The following TMEM250 variants were observed in gnomAD, a reference collection of about 807,000 sequenced individuals.
TMEM250 encodes herpes virus UL25-binding protein.
Under a neutral mutation model 7.0 loss-of-function variants are expected in TMEM250, and 7 were observed. The ratio of observed to expected loss-of-function variants is 1.00; its 90% confidence interval spans 0.57 to 1.87. The LOEUF is 1.87. TMEM250 is among the 40% of genes most tolerant of loss of function. The pLI, the probability that TMEM250 is intolerant of heterozygous loss-of-function variation, is 0.00. For missense variants in TMEM250, 196 were observed against 202.5 expected (o/e 0.97, Z 0.19); for synonymous variants, 135 against 96.7 (o/e 1.40, Z -2.32).
At chr9:136,117,952 G>A (rs529265658) in intron 1 of TMEM250, 2 of 152,432 alleles carry the variant, frequency 1.3e-5, no homozygotes, top group Admixed American at 1.3e-4. Context: ...ACAGGGGACT[G>A]TTGCCAAGAG....
rs934309124 is a variant in TMEM250, at chr9:136,116,017, C to T, written c.*464G>A. 5.1e-5 allele frequency: 21 copies of T among 408,952 alleles called. No homozygotes were observed. The East Asian group carries it at 7.1e-4, about 14-fold the overall frequency. 25.3% of individuals were successfully genotyped at this position (408,952 alleles called of 1,614,324 possible). A position where few individuals can be genotyped will look rare whatever the true frequency, so the allele number is the denominator to read the frequency against. On this transcript the variant is annotated 3_prime_UTR_variant, in exon 2 of 2. Coordinates refer to ENST00000418388, the MANE Select transcript of TMEM250 (RefSeq NM_152833.3). The stretch of plus-strand genomic sequence containing the variant: ...TGGTGTGTCAGCGAGGGGAGCCTTC[C>T]GTGTCCCGTTGGCTGGGGCTGGGGC...
At position 136,116,234 on chromosome 9, in the gene TMEM250, C is replaced by T; in HGVS notation, c.*247G>A. ...GCAGTACGACCCGAAGACATGTGAG[C>T]AGGAGCCACCGGCAGGTGGGCGCTG... On this transcript the variant is annotated 3_prime_UTR_variant, in exon 2 of 2. Coordinates refer to ENST00000418388, the MANE Select transcript of TMEM250 (RefSeq NM_152833.3). The T allele has an allele frequency of 2.9e-6, 2 of 693,566 alleles. No individual in the cohort carries two copies. Among genetic ancestry groups the T allele is most frequent in the African/African-American group, 1.8e-5 (1 of 55,782 alleles). The allele number at this position is 693,566 out of a possible 1,614,324, so 43.0% of individuals were successfully genotyped here.
At position 136,116,708 on chromosome 9, in the gene TMEM250, A is replaced by G. The variant is rs1474772127; in HGVS notation, c.193T>C (p.Phe65Leu). The change falls in exon 2 of 2, where the codon TTC (phenylalanine) becomes CTC (leucine). Residue 65 changes from phenylalanine (F) to leucine (L), a missense_variant. Phe to Leu is a conservative substitution (Grantham distance 22). Transcript: ENST00000418388. ...AGCGCACCCCAGAGCGCCGCAGTGA[A>G]CAGGCTGCAGCTAAAGTAGAGTAGG... is the stretch of plus-strand genomic sequence containing the variant. Reference protein sequence around the residue: ...RFLLYFSCSLFTAALWGALAA... With the variant: ...RFLLYFSCSLLTAALWGALAA... 6.2e-7 allele frequency: 1 copy of G among 1,612,338 alleles called. No individual in the cohort carries two copies. The highest frequency in any genetic ancestry group is 1.3e-5 in the African/African-American group (1 of 74,932).
Position 136,116,605 on chromosome 9 carries a change from A to T in TMEM250, c.296T>A (p.Leu99Gln). ...RFQRKLSVLL[L>Q]LLGRRRVDFR... ...GTCCACGCGCCGGCGGCCCAGCAGCAGCAGCAGCACCGACAGCTTGCGCTG... is the reference window on the plus strand; with the variant it reads ...GTCCACGCGCCGGCGGCCCAGCAGCTGCAGCAGCACCGACAGCTTGCGCTG... Residue 99 changes from leucine to glutamine, a missense_variant, in exon 2 of 2, where the codon CTG becomes CAG. By Grantham distance (113) the Leu-to-Gln change is moderately radical. Coordinates refer to ENST00000418388, the MANE Select transcript of TMEM250 (RefSeq NM_152833.3). The T allele has an allele frequency of 1.2e-6, 2 of 1,606,366 alleles. No homozygotes were observed. Among genetic ancestry groups the T allele is most frequent in the Non-Finnish European group, 1.7e-6 (2 of 1,179,614 alleles).
rs934574868 is a variant in TMEM250, at chr9:136,116,183, G to A, written c.*298C>T. The A allele has an allele frequency of 3.8e-6, 2 of 527,712 alleles. No individual in the cohort carries two copies. Among genetic ancestry groups the A allele is most frequent in the African/African-American group, 3.9e-5 (2 of 51,904 alleles). The allele number at this position is 527,712 out of a possible 1,614,324, so 32.7% of individuals were successfully genotyped here. A position where few individuals can be genotyped will look rare whatever the true frequency, so the allele number is the denominator to read the frequency against. ...CTGTGGTCCTGGAGAGAGGCCCACA[G>A]AGAGGCGGAACGGAGGGCCCACCCC... On this transcript the variant is annotated 3_prime_UTR_variant, in exon 2 of 2. Coordinates refer to ENST00000418388, the MANE Select transcript of TMEM250 (RefSeq NM_152833.3).
In TMEM250 at chr9:136,116,600, G is replaced by A. The variant is rs750061320; in HGVS notation, c.301C>T (p.Leu101=). 1.9e-5 allele frequency: 31 copies of A among 1,597,832 alleles called. No homozygotes were observed. Among genetic ancestry groups the A allele is most frequent in the Non-Finnish European group, 2.6e-5 (31 of 1,175,834 alleles). Residue 101 remains leucine (L), a synonymous_variant, in exon 2 of 2, where the codon CTG becomes TTG. Transcript: ENST00000418388. ...QRKLSVLLLL[L]GRRRVDFRLV... ...CGGAAGTCCACGCGCCGGCGGCCCA[G>A]CAGCAGCAGCAGCACCGACAGCTTG...
chr9:136,117,030 G>A lies in TMEM250; in HGVS notation c.-124-6C>T, dbSNP rs1466655887. ...CCCTGGGGGGAGGCGTCGGCCTGCG[G>A]GGAGAGCCGCAAAACCCACGTCAGT... On this transcript the variant is annotated splice_polypyrimidine_tract_variant and splice_region_variant and intron_variant, in intron 1 of 1. Coordinates refer to ENST00000418388, the MANE Select transcript of TMEM250 (RefSeq NM_152833.3). 3.0e-6 allele frequency: 4 copies of A among 1,342,244 alleles called. No individual in the cohort carries two copies. In the African/African-American group the frequency reaches 4.7e-5, roughly 16 times the overall value. 83.1% of individuals were successfully genotyped at this position (1,342,244 alleles called of 1,614,324 possible).
In TMEM250 at chr9:136,116,365, G is replaced by A; in HGVS notation, c.*116C>T. 3 of 1,432,920 alleles carry A rather than the reference G, an allele frequency of 2.1e-6. No individual in the cohort carries two copies. The highest frequency in any genetic ancestry group is 1.5e-5 in the South Asian group (1 of 67,586). The allele number at this position is 1,432,920 out of a possible 1,614,324, so 88.8% of individuals were successfully genotyped here. ...AGCCCTTTCTTTTCTCTCCGTGGGC[G>A]CCGGGCAGCAGCGACTGCCTGGGGG... On this transcript the variant is annotated 3_prime_UTR_variant, in exon 2 of 2. Coordinates refer to ENST00000418388, the MANE Select transcript of TMEM250 (RefSeq NM_152833.3).
At position 136,116,327 on chromosome 9, in the gene TMEM250, T is replaced by C; in HGVS notation, c.*154A>G. The C allele has an allele frequency of 1.4e-6, 2 of 1,410,538 alleles. No homozygotes were observed. The highest frequency in any genetic ancestry group is 1.9e-6 in the Non-Finnish European group (2 of 1,078,554). The allele number at this position is 1,410,538 out of a possible 1,614,324, so 87.4% of individuals were successfully genotyped here. On this transcript the variant is annotated 3_prime_UTR_variant, in exon 2 of 2. Transcript: ENST00000418388. ...CCTAGGGGTGGTGTCCGCGCCCCCA[T>C]CACAGAAGTCTCAGCCCTTTCTTTT... is the stretch of plus-strand genomic sequence containing the variant.
chr9:136,116,748 G>A lies in TMEM250; in HGVS notation c.153C>T (p.Tyr51=), dbSNP rs1288527183. ...FDVYIKTRWL[Y]GFIRFLLYFS... is the part of the protein sequence containing the mutation. ...AGTAGAGTAGGAAGCGGATGAAGCCGTACAGCCAGCGCGTCTTGATGTACA... is the reference window on the plus strand; with the variant it reads ...AGTAGAGTAGGAAGCGGATGAAGCCATACAGCCAGCGCGTCTTGATGTACA... Residue 51 remains tyrosine (Y), a synonymous_variant, in exon 2 of 2, where the codon TAC becomes TAT. Coordinates refer to ENST00000418388, the MANE Select transcript of TMEM250 (RefSeq NM_152833.3). 4 of 1,612,528 alleles carry A rather than the reference G, an allele frequency of 2.5e-6. No homozygotes were observed. Among genetic ancestry groups the A allele is most frequent in the Non-Finnish European group, 8.5e-7 (1 of 1,179,744 alleles).
Position 136,116,897 on chromosome 9 carries a change from G to A in TMEM250, c.4C>T (p.Pro2Ser). The change falls in exon 2 of 2, where the codon CCG becomes TCG. Residue 2 changes from proline (P) to serine (S), a missense_variant. By Grantham distance (74) the Pro-to-Ser change is moderately conservative. Coordinates refer to ENST00000418388, the MANE Select transcript of TMEM250 (RefSeq NM_152833.3). ...ACCCGCCGCGGAATGGGCATGACCG[G>A]CATTGGGCCCCGGCGGCGGCGGCGC... M[P>S]VMPIPRRVRS... The A allele has an allele frequency of 6.5e-7, 1 of 1,537,698 alleles. No individual in the cohort carries two copies. The highest frequency in any genetic ancestry group is 8.7e-7 in the Non-Finnish European group (1 of 1,147,102).
chr9:136,116,063 G>T lies in TMEM250; in HGVS notation c.*418C>A. ...GGGGCCAGGGCACGCAGAAGGGGCT[G>T]TGCAGCCAGGAGGGCCCCCCTCCGG... is the stretch of plus-strand genomic sequence containing the variant. On this transcript the variant is annotated 3_prime_UTR_variant, in exon 2 of 2. Transcript: ENST00000418388. 1 of 418,380 alleles carries T rather than the reference G, an allele frequency of 2.4e-6. No individual in the cohort carries two copies. The highest frequency in any genetic ancestry group is 9.3e-5 in the South Asian group (1 of 10,760). 25.9% of individuals were successfully genotyped at this position (418,380 alleles called of 1,614,324 possible).
Position 136,116,207 on chromosome 9 carries a change from C to A in TMEM250, c.*274G>T. On this transcript the variant is annotated 3_prime_UTR_variant, in exon 2 of 2. Coordinates refer to ENST00000418388, the MANE Select transcript of TMEM250 (RefSeq NM_152833.3). ...AGAGAGGCGGAACGGAGGGCCCACC[C>A]CGCAGTACGACCCGAAGACATGTGA... 1.8e-6 allele frequency: 1 copy of A among 567,346 alleles called. No individual in the cohort carries two copies. The highest frequency in any genetic ancestry group is 3.0e-6 in the Non-Finnish European group (1 of 334,944). 35.1% of individuals were successfully genotyped at this position (567,346 alleles called of 1,614,324 possible).
Position 136,116,443 on chromosome 9 carries a change from C to T in TMEM250, c.*38G>A. On this transcript the variant is annotated 3_prime_UTR_variant, in exon 2 of 2. Transcript: ENST00000418388. Reference sequence around the variant, plus strand: ...CCCACCCATGGAGAGAACACAGCCACAGGCCGGGACGATACATCAAGCTCG... The same window carrying T: ...CCCACCCATGGAGAGAACACAGCCATAGGCCGGGACGATACATCAAGCTCG... 1 of 1,480,846 alleles carries T rather than the reference C, an allele frequency of 6.8e-7. No individual in the cohort carries two copies. Among genetic ancestry groups the T allele is most frequent in the Non-Finnish European group, 9.0e-7 (1 of 1,115,404 alleles). 91.7% of individuals were successfully genotyped at this position (1,480,846 alleles called of 1,614,324 possible).
In TMEM250 at chr9:136,118,634, A is replaced by C. The variant is rs1013393515; in HGVS notation, c.-274T>G. ...GGGGCGCGCGGCTGGGGGCGCTGGC[A>C]AGGCGGCTGAGGGCGTGGTTCACGC... On this transcript the variant is annotated 5_prime_UTR_variant, in exon 1 of 2. Coordinates refer to ENST00000418388, the MANE Select transcript of TMEM250 (RefSeq NM_152833.3). 1.3e-5 allele frequency: 2 copies of C among 152,354 alleles called. No individual in the cohort carries two copies. The highest frequency in any genetic ancestry group is 6.6e-5 in the Admixed American group (1 of 15,254). The allele number at this position is 152,354 out of a possible 1,614,324, so 9.4% of individuals were successfully genotyped here.
In TMEM250 at chr9:136,116,147, G is replaced by A; in HGVS notation, c.*334C>T. 2.1e-6 allele frequency: 1 copy of A among 471,186 alleles called. No individual in the cohort carries two copies. Among genetic ancestry groups the A allele is most frequent in the East Asian group, 3.3e-5 (1 of 30,674 alleles). 29.2% of individuals were successfully genotyped at this position (471,186 alleles called of 1,614,324 possible). ...GGGGCCTCCCAGGGTGATGTCTAAAGTCCCTGGCAGCTGTGGTCCTGGAGA... is the reference window on the plus strand; with the variant it reads ...GGGGCCTCCCAGGGTGATGTCTAAAATCCCTGGCAGCTGTGGTCCTGGAGA... On this transcript the variant is annotated 3_prime_UTR_variant, in exon 2 of 2. Transcript: ENST00000418388.
chr9:136,117,067 A>G, intron 1 of TMEM250, 43 bp from the exon 2 acceptor site: 1 of 1,171,062 alleles, frequency 8.5e-7, no homozygotes, highest in Non-Finnish European at 1.1e-6. Flanking sequence ...TGAGGACACC[A>G]TGCGGATCCC....
In TMEM250 at chr9:136,115,190, G is replaced by C. The variant is rs1830677822; in HGVS notation, c.*1291C>G. 6.6e-6 allele frequency: 1 copy of C among 152,292 alleles called. No individual in the cohort carries two copies. Among genetic ancestry groups the C allele is most frequent in the Non-Finnish European group, 1.5e-5 (1 of 68,116 alleles). 9.4% of individuals were successfully genotyped at this position (152,292 alleles called of 1,614,324 possible). Reference sequence around the variant, plus strand: ...ACACCCTGTGTCCTGCTCTAGGGTAGCCTCTGCCTGTTGTCCTTGCAATCA... The same window carrying C: ...ACACCCTGTGTCCTGCTCTAGGGTACCCTCTGCCTGTTGTCCTTGCAATCA... On this transcript the variant is annotated 3_prime_UTR_variant, in exon 2 of 2. Transcript: ENST00000418388.
At chr9:136,118,872 GCGTGCGTGCGTGCGTGCGCACGC>G (rs1259583771) in exon 1 of TMEM250, 1 of 151,660 alleles carries the variant, frequency 6.6e-6, no homozygotes, top group Non-Finnish European at 1.5e-5. Flanking sequence ...CCGAGGGCGT[GCGTGCGTGCGTGCGTGCGCACGC>G]TGCGAGCAGT....
Sources: gnomAD v4.1 joint callset for allele counts on GRCh38, gnomAD v4.1.1 for gene constraint, MANE v1.5 for transcripts, NCBI Gene and HGNC (gene_info 2026-07-23, HGNC 2026-07-21) for gene names.